The following KIAA0586 variants were observed in gnomAD, a reference collection of about 807,000 sequenced individuals.
KIAA0586 encodes KIAA0586, also known as protein TALPID3.
Under a neutral mutation model 169.8 loss-of-function variants are expected in KIAA0586, and 144 were observed. That is an observed-to-expected ratio of 0.85 (90% CI 0.74 to 0.97). The LOEUF is 0.97. Among genes scored for constraint, KIAA0586 ranks in the 50% least tolerant of loss-of-function variants. KIAA0586 has a pLI of 0.00. For missense variants in KIAA0586, 1,854 were observed against 1,823.0 expected, an observed-to-expected ratio of 1.02 and a Z score of -0.31; for synonymous variants, 625 against 612.4, an observed-to-expected ratio of 1.02 and a Z score of -0.30.
At chr14:58,505,806 T>C (rs371037315) in intron 27 of KIAA0586, among the ~76,000 whole-genome samples, 3 of 152,224 alleles carry the variant, frequency 2.0e-5, no homozygotes, top group Non-Finnish European at 2.9e-5. Context: ...TTCTATAGTT[T>C]AGATGTTTTC....
In KIAA0586 at chr14:58,531,340, AAT is replaced by A. The variant is rs1221293347; in HGVS notation, c.4430-8729_4430-8728del. Among the ~76,000 whole-genome samples, 4 of 146,406 alleles carry A rather than the reference AAT, an allele frequency of 2.7e-5. No homozygotes were observed. The East Asian group carries it at 7.7e-4, about 28-fold the overall frequency. On this transcript the variant is annotated intron_variant, in intron 29 of 30. Coordinates refer to ENST00000652326, the MANE Select transcript of KIAA0586 (RefSeq NM_001329943.3). ...AGACTCCGTCTCAAAAAAAAAAAAA[AAT>A]AAAATAAATAAAAAATAAAAAAAAA... is the stretch of plus-strand genomic sequence containing the variant.
intron 14 of KIAA0586, among the ~76,000 whole-genome samples, 153 bp from the exon 15 acceptor site, chr14:58,465,682 C>G (rs1427736670): frequency 1.3e-5 from 2 of 152,150 alleles, no homozygotes; most frequent in African/African-American, 2.4e-5. Flanking sequence ...AAGAAGTTTG[C>G]TACCTCTGGT....
At chr14:58,515,136 G>T (rs2044659666) in intron 29 of KIAA0586, among the ~76,000 whole-genome samples, 1 of 151,128 alleles carries the variant, frequency 6.6e-6, no homozygotes, top group African/African-American at 2.4e-5. Flanking sequence ...GAAAAAATAA[G>T]TCATATGTTT....
At chr14:58,465,449 A>G (rs1462130770) in intron 14 of KIAA0586, among the ~76,000 whole-genome samples, 1 of 152,188 alleles carries the variant, frequency 6.6e-6, no homozygotes, top group Admixed American at 6.5e-5. Flanking sequence ...TAGTTATTAT[A>G]TCTATTTTGT....
At chr14:58,439,065 A>C (rs2038070470) in intron 4 of KIAA0586, among the ~76,000 whole-genome samples, 2 of 152,230 alleles carry the variant, frequency 1.3e-5, no homozygotes, top group South Asian at 4.1e-4. Flanking sequence ...CCAAACTGAG[A>C]GAAAAAGCCC....
chr14:58,491,225 C>T (rs1008794355), intron 25 of KIAA0586, among the ~76,000 whole-genome samples: 3 of 152,026 alleles, frequency 2.0e-5, no homozygotes, highest in Non-Finnish European at 4.4e-5. Flanking sequence ...TAAACCAAAC[C>T]AAGACTAAAT....
At chr14:58,506,619 G>GGAGGTTGCAGTGAGCT (rs2043965266) in intron 27 of KIAA0586, among the ~76,000 whole-genome samples, 1 of 151,478 alleles carries the variant, frequency 6.6e-6, no homozygotes, top group Non-Finnish European at 1.5e-5. Context: ...CCCGGGAGGT[G>GGAGGTTGCAGTGAGCT]GAGGTTGCAG....
At chr14:58,519,224 T>C (rs897483246) in intron 29 of KIAA0586, among the ~76,000 whole-genome samples, 3 of 152,206 alleles carry the variant, frequency 2.0e-5, no homozygotes, top group Admixed American at 2.0e-4. Context: ...TTCATCACAA[T>C]ACCATGCCAT....
intron 28 of KIAA0586, among the ~76,000 whole-genome samples, chr14:58,509,532 T>C (rs957685272): frequency 2.6e-5 from 4 of 152,158 alleles, no homozygotes. Context: ...GTATTGGCAA[T>C]TCGTTCAAAA....
chr14:58,537,122 C>A, intron 29 of KIAA0586: 1 of 1,159,990 alleles, frequency 8.6e-7, no homozygotes, highest in South Asian at 1.7e-5. Flanking sequence ...CTGCAGAGCA[C>A]AATACTCACC....
intron 30 of KIAA0586, among the ~76,000 whole-genome samples, chr14:58,544,502 C>T (rs1236802683): frequency 6.6e-6 from 1 of 152,102 alleles, no homozygotes; most frequent in Non-Finnish European, 1.5e-5. Context: ...ATAAGTGTTC[C>T]CTTTTCTCTG....
At chr14:58,463,119 A>C (rs1463061868) in intron 14 of KIAA0586, among the ~76,000 whole-genome samples, 1 of 47,146 alleles carries the variant, frequency 2.1e-5, no homozygotes, top group Non-Finnish European at 4.5e-5. Flanking sequence ...TCGTTCAGAC[A>C]CTTGCATGGT....
At chr14:58,433,346 T>C (rs1343204919) in intron 4 of KIAA0586, 1 of 152,236 alleles carries the variant, frequency 6.6e-6, no homozygotes, top group Non-Finnish European at 1.5e-5. Context: ...GGATTACAGG[T>C]GTGAGCCACC....
chr14:58,536,927 A>G lies in KIAA0586; in HGVS notation c.4430-3144A>G, dbSNP rs1426830677. 4 of 695,134 alleles carry G rather than the reference A, an allele frequency of 5.8e-6. No individual in the cohort carries two copies. In the East Asian group the frequency reaches 3.2e-4, roughly 55 times the overall value. The allele number at this position is 695,134 out of a possible 1,614,324, so 43.1% of individuals were successfully genotyped here. ...TCAAAATTTCCATAGAAATGTTAAT[A>G]GAACTTTATAGATCAAATAATTCCA... is the stretch of plus-strand genomic sequence containing the variant. On this transcript the variant is annotated intron_variant, in intron 29 of 30. Transcript: ENST00000652326.
downstream of KIAA0586, among the ~76,000 whole-genome samples, chr14:58,551,487 C>T (rs530349476): frequency 5.9e-5 from 9 of 151,918 alleles, no homozygotes; most frequent in African/African-American, 1.7e-4. Context: ...ACTGGCAGGG[C>T]GCAGTGGTTC....
At chr14:58,460,157 A>G (rs2040207682) in intron 13 of KIAA0586, 87 bp downstream of exon 13, 1 of 789,104 alleles carries the variant, frequency 1.3e-6, no homozygotes, top group South Asian at 1.9e-5. Flanking sequence ...GCGAATGTGA[A>G]GGTGTTTTAA....
intron 24 of KIAA0586, among the ~76,000 whole-genome samples, chr14:58,489,717 C>T (rs1341961439): frequency 1.3e-5 from 2 of 152,030 alleles, no homozygotes; most frequent in Non-Finnish European, 2.9e-5. Flanking sequence ...TGTCTTTGTG[C>T]ACTTATCTGG....
intron 29 of KIAA0586, among the ~76,000 whole-genome samples, chr14:58,537,883 C>A (rs374017224): frequency 5.3e-4 from 81 of 152,238 alleles, no homozygotes; most frequent in African/African-American, 1.8e-3. Flanking sequence ...TCCTGACCTC[C>A]TGATCTTCCC....
chr14:58,471,566 C>T (rs2140995362), intron 17 of KIAA0586, among the ~76,000 whole-genome samples: 1 of 152,202 alleles, frequency 6.6e-6, no homozygotes, highest in East Asian at 1.9e-4. Context: ...GAGAGAATAC[C>T]AGCAATCTTT....
Sources: allele counts gnomAD v4.1 joint callset (sites outside exome capture counted in the v4.1 genomes callset), GRCh38; gene constraint gnomAD v4.1.1; transcripts MANE v1.5; gene names NCBI Gene and HGNC (gene_info 2026-07-23, HGNC 2026-07-21).